LRRC38: variants seen among roughly 807,000 people sequenced by gnomAD.
LRRC38 encodes leucine-rich repeat-containing protein 38.
A neutral mutation model predicts 16.4 loss-of-function variants in LRRC38; 5 were observed. That is an observed-to-expected ratio of 0.31 (90% CI 0.16 to 0.64). The LOEUF (loss-of-function observed/expected upper bound fraction) is 0.64. LRRC38 is among the 30% of genes least tolerant of loss of function. The pLI, the probability that LRRC38 is intolerant of heterozygous loss-of-function variation, is 0.80. For missense variants in LRRC38, 341 were observed against 401.8 expected (o/e 0.85, Z 1.29); for synonymous variants, 191 against 190.2 (o/e 1.00, Z -0.04).
In LRRC38 at chr1:13,487,732, C is replaced by T. The variant is rs148916417; in HGVS notation, c.632-11633G>A. Among the ~76,000 whole-genome samples, 135 of 152,244 alleles carry T rather than the reference C, an allele frequency of 8.9e-4. No homozygotes were observed. In the East Asian group the frequency reaches 0.015, roughly 17 times the overall value. On this transcript the variant is annotated intron_variant, in intron 1 of 1. Coordinates refer to ENST00000376085, the MANE Select transcript of LRRC38 (RefSeq NM_001010847.2). This position sits in a 1 kb window ranked among gnomAD's most constrained non-coding sequence, Gnocchi z 4.4. ...TCTCCAGAAATAGACAGTGACACAG[C>T]GGATGTTAGATTGAGATTAATCTCT...
intron 1 of LRRC38, among the ~76,000 whole-genome samples, chr1:13,479,278 C>A (rs1638824077): frequency 6.6e-6 from 1 of 152,152 alleles, no homozygotes. Context: ...TGGACACCAA[C>A]AGACTGTGTG....
At position 13,513,341 on chromosome 1, in the gene LRRC38, G is replaced by A. The variant is rs986663597; in HGVS notation, c.253C>T (p.Leu85=). ...FFIFYGDLVY[L]DFRNNSLRSL... Reference sequence around the variant, plus strand: ...CGCAGCGAGTTGTTCCTGAAGTCCAGGTAGACCAGGTCGCCGTAGAAGATG... The same window carrying A: ...CGCAGCGAGTTGTTCCTGAAGTCCAAGTAGACCAGGTCGCCGTAGAAGATG... The change falls in exon 1 of 2, where the codon CTG becomes TTG. Residue 85 remains leucine, a synonymous_variant. Coordinates refer to ENST00000376085, the MANE Select transcript of LRRC38 (RefSeq NM_001010847.2). 1.9e-6 allele frequency: 3 copies of A among 1,550,808 alleles called. No homozygotes were observed. The African/African-American group carries it at 4.1e-5, about 21-fold the overall frequency.
At chr1:13,481,959 G>T (rs1377871973) in intron 1 of LRRC38, among the ~76,000 whole-genome samples, 2 of 152,142 alleles carry the variant, frequency 1.3e-5, no homozygotes, top group African/African-American at 4.8e-5. Context: ...ATGCCTGCTT[G>T]TTAAGCCACC....
chr1:13,486,844 A>G (rs1638941680), intron 1 of LRRC38, among the ~76,000 whole-genome samples: 1 of 152,042 alleles, frequency 6.6e-6, no homozygotes, highest in Non-Finnish European at 1.5e-5. Context: ...ACCTGCCTCA[A>G]CTTCCTAAAG....
At chr1:13,503,973 G>A (rs562742285) in intron 1 of LRRC38, among the ~76,000 whole-genome samples, 2 of 152,348 alleles carry the variant, frequency 1.3e-5, no homozygotes, top group East Asian at 3.9e-4. Flanking sequence ...AGCCGGCCAA[G>A]AGCCGCTGGG....
intron 1 of LRRC38, among the ~76,000 whole-genome samples, chr1:13,509,098 G>C (rs1365703692): frequency 2.0e-5 from 3 of 152,126 alleles, no homozygotes; most frequent in African/African-American, 4.8e-5. Flanking sequence ...CTCCACCCAG[G>C]AGACAGGGTT....
At position 13,487,476 on chromosome 1, in the gene LRRC38, C is replaced by A. The variant is rs1194333341; in HGVS notation, c.632-11377G>T. 6.6e-6 allele frequency among the ~76,000 whole-genome samples: 1 copy of A among 152,206 alleles called. No individual in the cohort carries two copies. The highest frequency in any genetic ancestry group is 1.5e-5 in the Non-Finnish European group (1 of 68,040). On this transcript the variant is annotated intron_variant, in intron 1 of 1. Coordinates refer to ENST00000376085, the MANE Select transcript of LRRC38 (RefSeq NM_001010847.2). This position sits in a 1 kb window ranked among gnomAD's most constrained non-coding sequence, Gnocchi z 4.4. ...GGGTCTACCTCCAACCCACTGAAAC[C>A]AAAGTGGGCTCCGTCTCATTCTGGC... is the stretch of plus-strand genomic sequence containing the variant.
intron 1 of LRRC38, among the ~76,000 whole-genome samples, chr1:13,484,576 C>T (rs1638909288): frequency 6.6e-6 from 1 of 152,220 alleles, no homozygotes; most frequent in South Asian, 2.1e-4. Flanking sequence ...AGGCCCCTGC[C>T]TTCTAGGACA....
chr1:13,488,712 T>C (rs1638972308), intron 1 of LRRC38, among the ~76,000 whole-genome samples: 1 of 152,136 alleles, frequency 6.6e-6, no homozygotes, highest in Non-Finnish European at 1.5e-5. Context: ...ATATTGTTGA[T>C]TTAGTTTGCA....
intron 1 of LRRC38, among the ~76,000 whole-genome samples, chr1:13,477,953 A>G (rs1480982490): frequency 6.6e-6 from 1 of 152,202 alleles, no homozygotes; most frequent in Non-Finnish European, 1.5e-5. Flanking sequence ...AAAGTCCCTG[A>G]TGGTTAAGTT....
At chr1:13,496,373 A>T (rs1172739236) in intron 1 of LRRC38, among the ~76,000 whole-genome samples, 5 of 151,868 alleles carry the variant, frequency 3.3e-5, no homozygotes, top group Admixed American at 6.6e-5. Flanking sequence ...GGGTTTCACT[A>T]TGTTTCCCAG....
intron 1 of LRRC38, among the ~76,000 whole-genome samples, chr1:13,497,901 C>T (rs969160996): frequency 2.2e-5 from 3 of 137,686 alleles, no homozygotes; most frequent in Non-Finnish European, 4.5e-5. Context: ...CCGAGGTTGC[C>T]GTGAGCCGAG....
intron 1 of LRRC38, among the ~76,000 whole-genome samples, chr1:13,503,589 C>T (rs1639175713): frequency 6.6e-6 from 1 of 152,102 alleles, no homozygotes; most frequent in Non-Finnish European, 1.5e-5. Context: ...TGTTTATATA[C>T]CTATATTCTC....
In LRRC38 at chr1:13,475,958, A is replaced by G; in HGVS notation, c.773T>C (p.Val258Ala). 2 of 1,550,570 alleles carry G rather than the reference A, an allele frequency of 1.3e-6. No individual in the cohort carries two copies. The highest frequency in any genetic ancestry group is 1.7e-6 in the Non-Finnish European group (2 of 1,146,988). The change falls in exon 2 of 2, where the codon GTG becomes GCG. Residue 258 changes from valine to alanine, a missense_variant. Coordinates refer to ENST00000376085, the MANE Select transcript of LRRC38 (RefSeq NM_001010847.2). The surrounding 1 kb of genome is among the most constrained non-coding windows in gnomAD (Gnocchi z 4.3). ...GCTGGAGATGATGGCCGCAATGGACACGGCCACACCGGAGAAAATGATGAT... is the reference window on the plus strand; with the variant it reads ...GCTGGAGATGATGGCCGCAATGGACGCGGCCACACCGGAGAAAATGATGAT... ...LCIIIFSGVAVSIAAIISSFF... is the reference protein window; with the variant it reads ...LCIIIFSGVAASIAAIISSFF...
At position 13,512,939 on chromosome 1, in the gene LRRC38, C is replaced by T. The variant is rs1177487526; in HGVS notation, c.631+24G>A. 4 of 1,524,974 alleles carry T rather than the reference C, an allele frequency of 2.6e-6. No homozygotes were observed. In the South Asian group the frequency reaches 3.6e-5, roughly 14 times the overall value. The allele number at this position is 1,524,974 out of a possible 1,614,324, so 94.5% of individuals were successfully genotyped here. Reference sequence around the variant, plus strand: ...TCTCCCTGCCCCCCTCCCTCCCTCCCCCAGCCTAGCCGGCTCGGCTCACCT... The same window carrying T: ...TCTCCCTGCCCCCCTCCCTCCCTCCTCCAGCCTAGCCGGCTCGGCTCACCT... On this transcript the variant is annotated intron_variant, in intron 1 of 1. Transcript: ENST00000376085.
At chr1:13,499,026 T>C (rs930950111) in intron 1 of LRRC38, among the ~76,000 whole-genome samples, 3 of 151,976 alleles carry the variant, frequency 2.0e-5, no homozygotes, top group East Asian at 1.9e-4. Flanking sequence ...CTGTCCAAAT[T>C]CCCCCTTTTT....
intron 1 of LRRC38, among the ~76,000 whole-genome samples, chr1:13,499,346 G>A (rs763675318): frequency 4.6e-5 from 7 of 152,044 alleles, no homozygotes; most frequent in African/African-American, 1.4e-4. Flanking sequence ...TGATCCACCC[G>A]CCCCGGCCTC....
At position 13,493,498 on chromosome 1, in the gene LRRC38, C is replaced by T. The variant is rs537013499; in HGVS notation, c.632-17399G>A. On this transcript the variant is annotated intron_variant, in intron 1 of 1. Coordinates refer to ENST00000376085, the MANE Select transcript of LRRC38 (RefSeq NM_001010847.2). Reference sequence around the variant, plus strand: ...CCTAAATCGTCCACATGCTAATCCTCAGAATCTGTGAATATGCTGCCTTGT... The same window carrying T: ...CCTAAATCGTCCACATGCTAATCCTTAGAATCTGTGAATATGCTGCCTTGT... 2.9e-4 allele frequency among the ~76,000 whole-genome samples: 44 copies of T among 152,306 alleles called. No homozygotes were observed. In the South Asian group the frequency reaches 9.1e-3, roughly 32 times the overall value.
Position 13,476,114 on chromosome 1 carries a change from G to A in LRRC38, c.632-15C>T, listed in dbSNP as rs1638786358. The A allele has an allele frequency of 1.3e-6, 2 of 1,549,632 alleles. No individual in the cohort carries two copies. The highest frequency in any genetic ancestry group is 2.7e-5 in the African/African-American group (2 of 73,014). On this transcript the variant is annotated splice_polypyrimidine_tract_variant and intron_variant, in intron 1 of 1. Transcript: ENST00000376085. ...TTCATCAAGGCCTGAGAAAAGGCAG[G>A]CAGAGGAGAGAGAGATTTAGACTGC...
Sources: allele counts gnomAD v4.1 joint callset (sites outside exome capture counted in the v4.1 genomes callset), GRCh38; gene constraint gnomAD v4.1.1; non-coding constraint Gnocchi (gnomAD v3.1); transcripts MANE v1.5; gene names NCBI Gene and HGNC (gene_info 2026-07-23, HGNC 2026-07-21).